Variants in IL17RC observed in about 807,000 individuals in gnomAD.
The protein encoded by IL17RC is interleukin-17 receptor C.
Under a neutral mutation model 86.7 loss-of-function variants are expected in IL17RC, and 53 were observed. The observed-to-expected ratio is 0.61, with a 90% CI of 0.49 to 0.77. The LOEUF (loss-of-function observed/expected upper bound fraction) is 0.77. Ranked by LOEUF, IL17RC falls within the 30% of genes least tolerant of loss-of-function variation. IL17RC has a pLI of 0.00. For missense variants in IL17RC, 957 were observed against 940.0 expected, an observed-to-expected ratio of 1.02 and a Z score of -0.24; for synonymous variants, 439 against 413.1, an observed-to-expected ratio of 1.06 and a Z score of -0.76.
Position 9,917,283 on chromosome 3 carries a change from C to G in IL17RC, c.-33C>G. 6.3e-7 allele frequency: 1 copy of G among 1,578,004 alleles called. No homozygotes were observed. The highest frequency in any genetic ancestry group is 8.7e-7 in the Non-Finnish European group (1 of 1,155,016). The stretch of plus-strand genomic sequence containing the variant: ...CCCCTTGGGGGGGGGCAGCACAGGG[C>G]CTCAGGCCTGGGTGCCACCTGGCAC... On this transcript the variant is annotated 5_prime_UTR_variant, in exon 1 of 19. Coordinates refer to ENST00000403601, the MANE Select transcript of IL17RC (RefSeq NM_153460.4).
chr3:9,928,241 C>CTGGGGT lies in IL17RC; in HGVS notation c.877+28_877+33dup, dbSNP rs1456904118. 5 of 1,574,840 alleles carry CTGGGGT rather than the reference C, an allele frequency of 3.2e-6. No individual in the cohort carries two copies. In the African/African-American group the frequency reaches 8.8e-5, roughly 28 times the overall value. Reference sequence around the variant, plus strand: ...GGAGGGTGAGCCGACCGGCCTGGGGCTGGGGTTGGGGTGTTGCGAGCGATG... The same window carrying CTGGGGT: ...GGAGGGTGAGCCGACCGGCCTGGGGCTGGGGTTGGGGTTGGGGTGTTGCGAGCGATG... On this transcript the variant is annotated intron_variant, in intron 10 of 18. Transcript: ENST00000403601.
At chr3:9,917,640 G>A in intron 1 of IL17RC, 73 bp from the exon 2 acceptor site, 2 of 1,614,032 alleles carry the variant, frequency 1.2e-6, no homozygotes, top group Middle Eastern at 1.6e-4. Context: ...AAAGGTAGGT[G>A]GAGGTCTTAG....
At position 9,933,562 on chromosome 3, in the gene IL17RC, G is replaced by T; in HGVS notation, c.2132G>T (p.Gly711Val). The change falls in exon 19 of 19, where the codon GGC becomes GTC. Residue 711 changes from glycine (G) to valine (V), a missense_variant. Physicochemically the swap from Gly to Val is moderately radical, Grantham distance 109. Transcript: ENST00000403601. ...TPAPGRGVGP[G>V]AGPGAGDGT ...GCGCCGGGACGCGGGGTGGGACCAG[G>T]CGCGGGACCTGGGGCGGGGGACGGG... is the stretch of plus-strand genomic sequence containing the variant. 6.2e-7 allele frequency: 1 copy of T among 1,605,772 alleles called. No homozygotes were observed. The highest frequency in any genetic ancestry group is 8.5e-7 in the Non-Finnish European group (1 of 1,176,468).
In IL17RC at chr3:9,930,303, G is replaced by A. The variant is rs2084534712; in HGVS notation, c.1279-97G>A. ...TCAGCGGCATCACCAAAGTCTCCCA[G>A]TCCCCTCTACCTCATTCTACCCAGC... is the stretch of plus-strand genomic sequence containing the variant. On this transcript the variant is annotated intron_variant, in intron 14 of 18. Transcript: ENST00000403601. The surrounding 1 kb of genome is among the most constrained non-coding windows in gnomAD (Gnocchi z 5.8). 2 of 1,538,390 alleles carry A rather than the reference G, an allele frequency of 1.3e-6. No homozygotes were observed. Among genetic ancestry groups the A allele is most frequent in the South Asian group, 2.3e-5 (2 of 87,606 alleles).
In IL17RC at chr3:9,928,219, G is replaced by T. The variant is rs1220404190; in HGVS notation, c.876G>T (p.Glu292Asp). ...GGACGAACATCTGCCCCTTCAGGGA[G>T]GGTGAGCCGACCGGCCTGGGGCTGG... ...SVRTNICPFR[E>D]DPRAHQNLWQ... The change falls in exon 10 of 19, where the codon GAG becomes GAT. Residue 292 changes from glutamate to aspartate, a missense_variant and splice_region_variant. By Grantham distance (45) the Glu-to-Asp change is conservative. Coordinates refer to ENST00000403601, the MANE Select transcript of IL17RC (RefSeq NM_153460.4). 6.2e-7 allele frequency: 1 copy of T among 1,610,080 alleles called. No individual in the cohort carries two copies. The highest frequency in any genetic ancestry group is 1.4e-5 in the African/African-American group (1 of 72,776).
rs377481843 is a variant in IL17RC, at chr3:9,928,240, G to A, written c.877+20G>A. On this transcript the variant is annotated intron_variant, in intron 10 of 18. Coordinates refer to ENST00000403601, the MANE Select transcript of IL17RC (RefSeq NM_153460.4). Reference sequence around the variant, plus strand: ...GGGAGGGTGAGCCGACCGGCCTGGGGCTGGGGTTGGGGTGTTGCGAGCGAT... The same window carrying A: ...GGGAGGGTGAGCCGACCGGCCTGGGACTGGGGTTGGGGTGTTGCGAGCGAT... The A allele has an allele frequency of 6.3e-7, 1 of 1,574,902 alleles. No homozygotes were observed. Among genetic ancestry groups the A allele is most frequent in the African/African-American group, 1.8e-5 (1 of 56,892 alleles).
intron 8 of IL17RC, 98 bp downstream of exon 8, chr3:9,924,118 C>G (rs9880483): frequency 6.2e-7 from 1 of 1,608,758 alleles, no homozygotes; most frequent in Non-Finnish European, 8.5e-7. Context: ...AGAGGACTCA[C>G]CCCAAGCAAG....
At chr3:9,928,694 G>C in intron 12 of IL17RC, 64 bp downstream of exon 12, 3 of 1,547,850 alleles carry the variant, frequency 1.9e-6, no homozygotes, top group Non-Finnish European at 2.7e-6. Context: ...CAGCCAAGGG[G>C]GTCTTAGTTC....
Position 9,917,222 on chromosome 3 carries a change from G to C in IL17RC, c.-94G>C. On this transcript the variant is annotated 5_prime_UTR_variant, in exon 1 of 19. Transcript: ENST00000403601. The stretch of plus-strand genomic sequence containing the variant: ...AGGCTGAAGAGGGATTCCAGCCCCT[G>C]CCACCCACAGACACGGGCTGACTGG... 2 of 987,120 alleles carry C rather than the reference G, an allele frequency of 2.0e-6. No homozygotes were observed. Among genetic ancestry groups the C allele is most frequent in the Non-Finnish European group, 3.0e-6 (2 of 670,756 alleles). The allele number at this position is 987,120 out of a possible 1,614,324, so 61.1% of individuals were successfully genotyped here. A position where few individuals can be genotyped will look rare whatever the true frequency, so the allele number is the denominator to read the frequency against.
intron 1 of IL17RC, 107 bp from the exon 2 acceptor site, chr3:9,917,606 G>T (rs1430925105): frequency 2.5e-6 from 4 of 1,614,028 alleles, no homozygotes; most frequent in African/African-American, 2.7e-5. Context: ...CTCTGGGAGG[G>T]TCTGGGAATA....
rs1456792736 is a variant in IL17RC at position 9,917,278 on chromosome 3, CAG to C, written c.-37_-36del. 6.4e-7 allele frequency: 1 copy of C among 1,558,544 alleles called. No individual in the cohort carries two copies. Among genetic ancestry groups the C allele is most frequent in the Admixed American group, 1.8e-5 (1 of 54,968 alleles). The stretch of plus-strand genomic sequence containing the variant: ...CTGCCCCCCTTGGGGGGGGGCAGCA[CAG>C]GGCCTCAGGCCTGGGTGCCACCTGG... On this transcript the variant is annotated 5_prime_UTR_variant, in exon 1 of 19. Coordinates refer to ENST00000403601, the MANE Select transcript of IL17RC (RefSeq NM_153460.4).
chr3:9,917,364 G>C lies in IL17RC; in HGVS notation c.49G>C (p.Val17Leu), dbSNP rs1376382399. ...GTCCTTGGCACTGGGCCGAAGCCCA[G>C]TGGTCCTTTCTCTGGAGAGGCTTGT... ...LLSLALGRSPVVLSLERLVGP... is the reference protein window; with the variant it reads ...LLSLALGRSPLVLSLERLVGP... The change falls in exon 1 of 19, where the codon GTG (valine) becomes CTG (leucine). Residue 17 changes from valine (V) to leucine (L), a missense_variant. Val to Leu is a conservative substitution (Grantham distance 32). Coordinates refer to ENST00000403601, the MANE Select transcript of IL17RC (RefSeq NM_153460.4). 6.2e-7 allele frequency: 1 copy of C among 1,614,200 alleles called. No individual in the cohort carries two copies. Among genetic ancestry groups the C allele is most frequent in the South Asian group, 1.1e-5 (1 of 91,092 alleles).
chr3:9,923,627 T>G (rs2083782496), intron 7 of IL17RC, among the ~76,000 whole-genome samples: 1 of 151,804 alleles, frequency 6.6e-6, no homozygotes, highest in Non-Finnish European at 1.5e-5. Flanking sequence ...ATGACTTGTT[T>G]TAAAGAGGTT....
chr3:9,931,049 T>C, intron 16 of IL17RC, 106 bp downstream of exon 16: 1 of 898,146 alleles, frequency 1.1e-6, no homozygotes, highest in East Asian at 2.4e-5. Flanking sequence ...TTCCCTGAGA[T>C]CAGATAAACA....
chr3:9,923,624 G>A (rs976375334), intron 7 of IL17RC, among the ~76,000 whole-genome samples: 2 of 152,044 alleles, frequency 1.3e-5, no homozygotes, highest in Non-Finnish European at 2.9e-5. Flanking sequence ...AAAATGACTT[G>A]TTTTAAAGAG....
rs757905894 is a variant in IL17RC, at chr3:9,933,507, G to T, written c.2077G>T (p.Asp693Tyr). Residue 693 changes from aspartate to tyrosine, a missense_variant, in exon 19 of 19, where the codon GAT (aspartate) becomes TAT (tyrosine). Asp to Tyr is a radical substitution (Grantham distance 160). Transcript: ENST00000403601. ...QVSRALQPAL[D>Y]SYFHPPGTPA... The stretch of plus-strand genomic sequence containing the variant: ...GTCCCGGGCCCTTCAGCCAGCCCTG[G>T]ATAGCTACTTCCATCCCCCGGGGAC... 9 of 1,610,960 alleles carry T rather than the reference G, an allele frequency of 5.6e-6. No homozygotes were observed. The South Asian group carries it at 7.7e-5, about 14-fold the overall frequency.
chr3:9,925,414 C>A (rs1163820443), intron 9 of IL17RC, among the ~76,000 whole-genome samples: 1 of 152,116 alleles, frequency 6.6e-6, no homozygotes, highest in Admixed American at 6.6e-5. Flanking sequence ...CTGTGCCCAG[C>A]CGCTGATTGC....
intron 12 of IL17RC, 112 bp downstream of exon 12, chr3:9,928,742 A>C: frequency 9.0e-7 from 1 of 1,116,582 alleles, no homozygotes; most frequent in Non-Finnish European, 1.3e-6. Flanking sequence ...AGCTTCCTCT[A>C]TGGGAGTTCC....
chr3:9,932,766 G>C, intron 17 of IL17RC, 54 bp from the exon 18 acceptor site: 1 of 1,595,236 alleles, frequency 6.3e-7, no homozygotes. Flanking sequence ...GGAGTTCTCC[G>C]AGGGAAAGCG....
Sources: gnomAD v4.1 joint callset for allele counts (sites outside exome capture counted in the v4.1 genomes callset) on GRCh38, gnomAD v4.1.1 for gene constraint, Gnocchi (gnomAD v3.1) non-coding constraint, MANE v1.5 for transcripts, NCBI Gene and HGNC (gene_info 2026-07-23, HGNC 2026-07-21) for gene names.